The following TTC6 variants were observed in gnomAD, a reference collection of about 807,000 sequenced individuals.
TTC6 encodes the protein tetratricopeptide repeat domain 6, also known as tetratricopeptide repeat protein 6.
In TTC6, 172 loss-of-function variants were observed where a neutral mutation model predicts 210.4. That is an observed-to-expected ratio of 0.82 (90% CI 0.72 to 0.93). TTC6 has a LOEUF of 0.93. Ranked by LOEUF, TTC6 falls within the 40% of genes least tolerant of loss-of-function variation. The pLI is 0.00. For synonymous variants in TTC6, 804 were observed against 819.6 expected (o/e 0.98, Z 0.32); for missense variants, 2,414 against 2,318.1 (o/e 1.04, Z -0.85).
At chr14:37,724,184 A>C (rs746688901) in intron 6 of TTC6, among the ~76,000 whole-genome samples, 9 of 152,116 alleles carry the variant, frequency 5.9e-5, no homozygotes, top group Non-Finnish European at 1.2e-4. Context: ...TATTAAATTA[A>C]GGCCTTTTGT....
At chr14:37,808,733 A>G in exon 24 of TTC6, 2 of 1,429,818 alleles carry the variant, frequency 1.4e-6, no homozygotes, top group South Asian at 1.3e-5. Context: ...TTCTTTTTAG[A>G]CTTATAAGCT....
chr14:37,763,285 T>G (rs2095989975), intron 14 of TTC6, among the ~76,000 whole-genome samples: 1 of 152,212 alleles, frequency 6.6e-6, no homozygotes, highest in African/African-American at 2.4e-5. Flanking sequence ...TGTGTGTTTG[T>G]GCTGTCTTTG....
At chr14:37,786,990 A>G (rs886646685) in intron 14 of TTC6, among the ~76,000 whole-genome samples, 1 of 152,188 alleles carries the variant, frequency 6.6e-6, no homozygotes, top group Non-Finnish European at 1.5e-5. Context: ...AATAGCTTTC[A>G]TCCGTGAAAG....
chr14:37,839,259 C>G (rs1344351323), intron 29 of TTC6, among the ~76,000 whole-genome samples: 2 of 152,198 alleles, frequency 1.3e-5, no homozygotes, highest in African/African-American at 4.8e-5. Flanking sequence ...TACACTCCCA[C>G]CAACAGTGTA....
At chr14:37,706,702 G>A (rs1013066882) in intron 5 of TTC6, among the ~76,000 whole-genome samples, 1 of 152,122 alleles carries the variant, frequency 6.6e-6, no homozygotes, top group Non-Finnish European at 1.5e-5. Flanking sequence ...TTTTCTGCGT[G>A]TGTGGGAGAA....
At position 37,787,656 on chromosome 14, in the gene TTC6, C is replaced by T; in HGVS notation, c.3436+19C>T. 2.8e-6 allele frequency: 4 copies of T among 1,432,964 alleles called. No homozygotes were observed. Among genetic ancestry groups the T allele is most frequent in the Non-Finnish European group, 3.7e-6 (4 of 1,086,300 alleles). The allele number at this position is 1,432,964 out of a possible 1,614,324, so 88.8% of individuals were successfully genotyped here. On this transcript the variant is annotated intron_variant, in intron 15 of 30. Coordinates refer to ENST00000553443, the Ensembl canonical transcript of TTC6. Reference sequence around the variant, plus strand: ...GTTTCAGGTACTTTGCCTTCAATTACATGTATATAGCAACCCAATCTGAGA... The same window carrying T: ...GTTTCAGGTACTTTGCCTTCAATTATATGTATATAGCAACCCAATCTGAGA...
intron 17 of TTC6, among the ~76,000 whole-genome samples, chr14:37,793,057 T>C (rs1252101670): frequency 6.6e-6 from 1 of 152,146 alleles, no homozygotes; most frequent in African/African-American, 2.4e-5. Context: ...CCCTTCAAAG[T>C]AGACACCCAT....
chr14:37,793,567 T>C (rs2096085403), intron 17 of TTC6, among the ~76,000 whole-genome samples: 1 of 152,202 alleles, frequency 6.6e-6, no homozygotes, highest in Non-Finnish European at 1.5e-5. Context: ...ATGTTGCCAC[T>C]AGGTCATGTT....
Position 37,730,860 on chromosome 14 carries a change from A to G in TTC6, c.1819-5061A>G, listed in dbSNP as rs115091606. 3.7e-3 allele frequency among the ~76,000 whole-genome samples: 566 copies of G among 152,336 alleles called. 2 individuals carry two copies. The highest frequency in any genetic ancestry group is 0.013 in the African/African-American group (534 of 41,570). ...TGGTCTTGTTTAAAATGAAGACTTA[A>G]GTCTTTTTACATGTCATTTTTCCAT... On this transcript the variant is annotated intron_variant, in intron 7 of 30. Transcript: ENST00000553443.
intron 6 of TTC6, among the ~76,000 whole-genome samples, chr14:37,721,285 A>G (rs1467297108): frequency 1.3e-5 from 2 of 152,136 alleles, no homozygotes; most frequent in Non-Finnish European, 2.9e-5. Flanking sequence ...ATTTCAAATA[A>G]CATCACACAT....
intron 1 of TTC6, among the ~76,000 whole-genome samples, chr14:37,646,131 A>G (rs1342586893): frequency 6.6e-6 from 1 of 152,220 alleles, no homozygotes; most frequent in South Asian, 2.1e-4. Context: ...TGGCACTATA[A>G]TACATTAGGA....
At chr14:37,838,051 A>T (rs2096201949) in intron 29 of TTC6, among the ~76,000 whole-genome samples, 1 of 152,170 alleles carries the variant, frequency 6.6e-6, no homozygotes, top group African/African-American at 2.4e-5. Context: ...TAGAAGCCAG[A>T]TTGTGTTTGG....
At chr14:37,603,699 T>C (rs2095619908) in intron 1 of TTC6, among the ~76,000 whole-genome samples, 1 of 152,196 alleles carries the variant, frequency 6.6e-6, no homozygotes, top group African/African-American at 2.4e-5. Flanking sequence ...CTCAGCACTC[T>C]ACACACTCCT....
chr14:37,618,339 TTGAACCTTC>T (rs1467741994), upstream of TTC6, among the ~76,000 whole-genome samples: 1 of 152,196 alleles, frequency 6.6e-6, no homozygotes, highest in Non-Finnish European at 1.5e-5. Context: ...TGCTCAGGCC[TTGAACCTTC>T]TGGCAGAAGA....
At chr14:37,816,385 G>T (rs994666526) in intron 25 of TTC6, among the ~76,000 whole-genome samples, 1 of 152,128 alleles carries the variant, frequency 6.6e-6, no homozygotes, top group Non-Finnish European at 1.5e-5. Context: ...GGGAGGGAGA[G>T]AGAGAGTGTG....
intron 6 of TTC6, among the ~76,000 whole-genome samples, chr14:37,720,775 G>A (rs1378641362): frequency 2.0e-5 from 3 of 152,076 alleles, no homozygotes; most frequent in South Asian, 2.1e-4. Context: ...TAACTTCCTC[G>A]AAATGACAAA....
intron 5 of TTC6, among the ~76,000 whole-genome samples, chr14:37,702,331 G>A (rs2095827064): frequency 6.6e-6 from 1 of 151,850 alleles, no homozygotes; most frequent in Non-Finnish European, 1.5e-5. Context: ...GAATTTTAAG[G>A]CTTTTTTTCT....
At chr14:37,785,889 C>T (rs2096066350) in intron 14 of TTC6, among the ~76,000 whole-genome samples, 1 of 152,146 alleles carries the variant, frequency 6.6e-6, no homozygotes, top group African/African-American at 2.4e-5. Flanking sequence ...GCTGGAGGTC[C>T]ACTCCAGATG....
At position 37,841,683 on chromosome 14, in the gene TTC6, T is replaced by A. The variant is rs2139063895; in HGVS notation, c.5524+13T>A. ...GACCTTAATAAAGGTACACTTTTGG[T>A]AATTATTCTGGTAAGATTACAGTGG... is the stretch of plus-strand genomic sequence containing the variant. On this transcript the variant is annotated intron_variant, in intron 30 of 30. Transcript: ENST00000553443. 6.3e-7 allele frequency: 1 copy of A among 1,581,282 alleles called. No individual in the cohort carries two copies. Among genetic ancestry groups the A allele is most frequent in the East Asian group, 2.3e-5 (1 of 44,398 alleles).
Sources: gnomAD v4.1 joint callset for allele counts (sites outside exome capture counted in the v4.1 genomes callset) on GRCh38, gnomAD v4.1.1 for gene constraint, MANE v1.5 for transcripts, NCBI Gene and HGNC (gene_info 2026-07-23, HGNC 2026-07-21) for gene names.